PLEKHO2: variants seen among roughly 807,000 people sequenced by gnomAD.
PLEKHO2 encodes the protein pleckstrin homology domain-containing family O member 2.
In PLEKHO2, 20 loss-of-function variants were observed where a neutral mutation model predicts 32.7. That is an observed-to-expected ratio of 0.61 (90% CI 0.43 to 0.89). PLEKHO2 has a LOEUF of 0.89. Ranked by LOEUF, PLEKHO2 falls within the 40% of genes least tolerant of loss-of-function variation. The probability of loss-of-function intolerance (pLI) is 0.00; values close to 1 mark genes in which losing one functional copy is unlikely to be tolerated. For missense variants in PLEKHO2, 568 were observed against 621.2 expected (o/e 0.91, Z 0.91); for synonymous variants, 247 against 246.3 (o/e 1.00, Z -0.03).
At chr15:64,853,132 C>G (rs1217978616) in intron 2 of PLEKHO2, among the ~76,000 whole-genome samples, 1 of 151,174 alleles carries the variant, frequency 6.6e-6, no homozygotes, top group African/African-American at 2.4e-5. Flanking sequence ...GAGTGAGACT[C>G]TGTCTCAAAA....
At chr15:64,853,432 A>T (rs962217105) in intron 2 of PLEKHO2, among the ~76,000 whole-genome samples, 1 of 151,430 alleles carries the variant, frequency 6.6e-6, no homozygotes, top group Non-Finnish European at 1.5e-5. Context: ...GCCCGCCACC[A>T]CGCCCGGCTA....
intron 1 of PLEKHO2, among the ~76,000 whole-genome samples, chr15:64,843,341 T>A (rs9672652): frequency 0.56 from 84,821 of 152,088 alleles, 24,628 homozygotes; most frequent in East Asian, 0.94. Context: ...CTCTGTGATT[T>A]GCTGCGGTTT....
rs148714852 is a variant in PLEKHO2, at chr15:64,855,039, T to G, written c.279+2T>G. On this transcript the variant is annotated splice_donor_variant, in intron 3 of 5. Transcript: ENST00000323544. LOFTEE classifies it high-confidence loss of function. ...CTGCTGCGATCCCCAGGGAACAAGG[T>G]AGGGCGATGCCTGCTGCTGCCCCAT... 3 of 1,574,966 alleles carry G rather than the reference T, an allele frequency of 1.9e-6. No individual in the cohort carries two copies. Among genetic ancestry groups the G allele is most frequent in the Non-Finnish European group, 2.6e-6 (3 of 1,158,776 alleles).
chr15:64,842,148 A>G (rs2084488718), intron 1 of PLEKHO2, 120 bp downstream of exon 1: 1 of 981,568 alleles, frequency 1.0e-6, no homozygotes, highest in Non-Finnish European at 1.3e-6. Flanking sequence ...CACCTCAGGA[A>G]GAGCCTGGGC....
chr15:64,852,451 AT>A (rs1167451674), intron 2 of PLEKHO2, among the ~76,000 whole-genome samples: 3 of 152,200 alleles, frequency 2.0e-5, no homozygotes, highest in African/African-American at 7.2e-5. Flanking sequence ...GAGAGAGTCG[AT>A]TAGTAGTTAT....
Position 64,854,966 on chromosome 15 carries a change from A to G in PLEKHO2, c.208A>G (p.Lys70Glu). 1 of 1,611,744 alleles carries G rather than the reference A, an allele frequency of 6.2e-7. No individual in the cohort carries two copies. Among genetic ancestry groups the G allele is most frequent in the South Asian group, 1.1e-5 (1 of 90,202 alleles). Reference sequence around the variant, plus strand: ...GACTGTGGAGCTGGGCAGCTATGAGAAGTGCCAGGACCTTCGTGCCCTCCT... The same window carrying G: ...GACTGTGGAGCTGGGCAGCTATGAGGAGTGCCAGGACCTTCGTGCCCTCCT... ...VETVELGSYE[K>E]CQDLRALLKR... The change falls in exon 3 of 6, where the codon AAG becomes GAG. Residue 70 changes from lysine (K) to glutamate (E), a missense_variant. Physicochemically the swap from Lys to Glu is moderately conservative, Grantham distance 56. Coordinates refer to ENST00000323544, the MANE Select transcript of PLEKHO2 (RefSeq NM_025201.5).
chr15:64,846,862 G>A (rs891073384), intron 1 of PLEKHO2, among the ~76,000 whole-genome samples: 3 of 152,186 alleles, frequency 2.0e-5, no homozygotes, highest in Admixed American at 6.5e-5. Context: ...TAGGTTTAGG[G>A]CATCCTGGGA....
At chr15:64,858,797 C>T (rs748418600) in intron 3 of PLEKHO2, among the ~76,000 whole-genome samples, 1 of 152,074 alleles carries the variant, frequency 6.6e-6, no homozygotes, top group South Asian at 2.1e-4. Context: ...CCATCTTTTC[C>T]AGTTTGAAAT....
intron 2 of PLEKHO2, 44 bp from the exon 3 acceptor site, chr15:64,854,877 G>C: frequency 1.3e-6 from 2 of 1,485,544 alleles, no homozygotes; most frequent in Non-Finnish European, 9.4e-7. Flanking sequence ...GTGGTGGTGG[G>C]TCTGACTGTC....
chr15:64,842,786 A>T (rs1002176343), intron 1 of PLEKHO2, among the ~76,000 whole-genome samples: 1 of 151,972 alleles, frequency 6.6e-6, no homozygotes, highest in African/African-American at 2.4e-5. Flanking sequence ...TTGGCCTGGG[A>T]TTGGGTCTTG....
Position 64,865,010 on chromosome 15 carries a change from A to G in PLEKHO2, c.595A>G (p.Thr199Ala). ...NHVSEAQPRE[T>A]PRPLMPPTKP... ...TGTCAGTGAAGCCCAACCTCGGGAG[A>G]CACCCCGGCCCCTCATGCCTCCTAC... The change falls in exon 6 of 6, where the codon ACA becomes GCA. Residue 199 changes from threonine (T) to alanine (A), a missense_variant. Transcript: ENST00000323544. 6.2e-7 allele frequency: 1 copy of G among 1,614,028 alleles called. No individual in the cohort carries two copies. The highest frequency in any genetic ancestry group is 1.1e-5 in the South Asian group (1 of 91,084).
At position 64,861,473 on chromosome 15, in the gene PLEKHO2, C is replaced by G. The variant is rs776820856; in HGVS notation, c.385-4C>G. ...GGGGCTGATCTGGTTCCCCCTCCCTCCAGGTAAAGGTGGACAAGAGCTGCG... is the reference window on the plus strand; with the variant it reads ...GGGGCTGATCTGGTTCCCCCTCCCTGCAGGTAAAGGTGGACAAGAGCTGCG... On this transcript the variant is annotated splice_polypyrimidine_tract_variant and splice_region_variant and intron_variant, in intron 4 of 5. Coordinates refer to ENST00000323544, the MANE Select transcript of PLEKHO2 (RefSeq NM_025201.5). 26 of 1,590,744 alleles carry G rather than the reference C, an allele frequency of 1.6e-5. No homozygotes were observed. The South Asian group carries it at 2.9e-4, about 17-fold the overall frequency.
chr15:64,856,574 C>G (rs1411843763), intron 3 of PLEKHO2, among the ~76,000 whole-genome samples: 1 of 152,166 alleles, frequency 6.6e-6, no homozygotes, highest in African/African-American at 2.4e-5. Flanking sequence ...CAGCTGTGTT[C>G]TCAGCTGCTT....
At chr15:64,853,881 G>T (rs569991915) in intron 2 of PLEKHO2, among the ~76,000 whole-genome samples, 6 of 152,314 alleles carry the variant, frequency 3.9e-5, no homozygotes, top group African/African-American at 1.4e-4. Context: ...TTATTGTGAG[G>T]TTCAGAGACT....
At chr15:64,854,266 C>A (rs1209705378) in intron 2 of PLEKHO2, among the ~76,000 whole-genome samples, 1 of 152,194 alleles carries the variant, frequency 6.6e-6, no homozygotes, top group Admixed American at 6.5e-5. Flanking sequence ...CACTGGCCCT[C>A]CTAATGATGA....
chr15:64,865,145 A>T lies in PLEKHO2; in HGVS notation c.730A>T (p.Ser244Cys). Reference protein sequence around the residue: ...VSASSEVSPESQEDSETPAEE... With the variant: ...VSASSEVSPECQEDSETPAEE... The stretch of plus-strand genomic sequence containing the variant: ...AGCAAGCTCTGAGGTCTCCCCTGAG[A>T]GCCAAGAGGACTCAGAGACCCCAGC... Residue 244 changes from serine to cysteine, a missense_variant, in exon 6 of 6, where the codon AGC becomes TGC. Ser to Cys is a moderately radical substitution (Grantham distance 112). Coordinates refer to ENST00000323544, the MANE Select transcript of PLEKHO2 (RefSeq NM_025201.5). 6.2e-7 allele frequency: 1 copy of T among 1,614,096 alleles called. No homozygotes were observed. Among genetic ancestry groups the T allele is most frequent in the Non-Finnish European group, 8.5e-7 (1 of 1,179,998 alleles).
intron 1 of PLEKHO2, among the ~76,000 whole-genome samples, chr15:64,843,485 T>C (rs994968365): frequency 6.6e-6 from 1 of 152,194 alleles, no homozygotes; most frequent in Non-Finnish European, 1.5e-5. Context: ...TGATCTGCGC[T>C]GGCCCCTGAT....
intron 3 of PLEKHO2, among the ~76,000 whole-genome samples, chr15:64,856,350 G>A (rs1300922254): frequency 6.6e-6 from 1 of 151,994 alleles, no homozygotes; most frequent in Non-Finnish European, 1.5e-5. Flanking sequence ...TTTTTTTAAT[G>A]CAGGTGAGTG....
rs151071708 is a variant in PLEKHO2 at position 64,843,831 on chromosome 15, C to T, written c.12+1803C>T. 3.5e-3 allele frequency among the ~76,000 whole-genome samples: 534 copies of T among 152,212 alleles called. 3 individuals are homozygous for T. Among genetic ancestry groups the T allele is most frequent in the African/African-American group, 0.012 (506 of 41,512 alleles). On this transcript the variant is annotated intron_variant, in intron 1 of 5. Transcript: ENST00000323544. ...CTGACCTCAGGTGATCCGCCTGCCT[C>T]GGCCTCCGAAAGTGTTGGGGTTACA...
Sources: gnomAD v4.1 joint callset for allele counts (sites outside exome capture counted in the v4.1 genomes callset) on GRCh38, gnomAD v4.1.1 for gene constraint, MANE v1.5 for transcripts, NCBI Gene and HGNC (gene_info 2026-07-23, HGNC 2026-07-21) for gene names.